ITPR3: variants seen among roughly 807,000 people sequenced by gnomAD.
The protein encoded by ITPR3 is inositol 1,4,5-trisphosphate receptor type 3, also known as inositol 1,4,5-trisphosphate-gated calcium channel ITPR3.
Under a neutral mutation model 293.2 loss-of-function variants are expected in ITPR3, and 173 were observed. That is an observed-to-expected ratio of 0.59 (90% CI 0.52 to 0.67). The LOEUF (loss-of-function observed/expected upper bound fraction) is 0.67. Among genes scored for constraint, ITPR3 ranks in the 30% least tolerant of loss-of-function variants. The pLI, the probability that ITPR3 is intolerant of heterozygous loss-of-function variation, is 0.00. For synonymous variants in ITPR3, 1,295 were observed against 1,444.4 expected (o/e 0.90, Z 2.35); for missense variants, 2,796 against 3,592.1 (o/e 0.78, Z 5.66).
chr6:33,684,347 G>A lies in ITPR3; in HGVS notation c.4938-10G>A, dbSNP rs1765164649. The A allele has an allele frequency of 6.2e-7, 1 of 1,613,216 alleles. No individual in the cohort carries two copies. Among genetic ancestry groups the A allele is most frequent in the African/African-American group, 1.3e-5 (1 of 74,896 alleles). On this transcript the variant is annotated splice_polypyrimidine_tract_variant and intron_variant, in intron 36 of 57. Transcript: ENST00000605930. This position sits in a 1 kb window ranked among gnomAD's most constrained non-coding sequence, Gnocchi z 4.2. ...GGGGCTGCCCTGAGCTGCCTCCTTG[G>A]CCGGCTCAGGCTGATCCAGCACACC...
At chr6:33,695,680 G>T in intron 57 of ITPR3, 32 bp from the exon 58 acceptor site, 1 of 1,612,102 alleles carries the variant, frequency 6.2e-7, no homozygotes, top group South Asian at 1.1e-5. Flanking sequence ...CAGGCGGCCT[G>T]ACCAGGCCTG....
rs1050348853 is a variant in ITPR3, at chr6:33,667,458, C to T, written c.1713+168C>T. On this transcript the variant is annotated intron_variant, in intron 15 of 57. Transcript: ENST00000605930. This position sits in a 1 kb window ranked among gnomAD's most constrained non-coding sequence, Gnocchi z 4.4. Reference sequence around the variant, plus strand: ...GGAATGGGACCTGGCCCGGTGCTCACAAGGGCCTTGCACTGGGTTAGATGC... The same window carrying T: ...GGAATGGGACCTGGCCCGGTGCTCATAAGGGCCTTGCACTGGGTTAGATGC... Among the ~76,000 whole-genome samples, 1 of 152,200 alleles carries T rather than the reference C, an allele frequency of 6.6e-6. No individual in the cohort carries two copies. The highest frequency in any genetic ancestry group is 1.5e-5 in the Non-Finnish European group (1 of 68,034).
chr6:33,686,178 G>A lies in ITPR3; in HGVS notation c.5793G>A (p.Glu1931=). 1.2e-6 allele frequency: 2 copies of A among 1,614,164 alleles called. No homozygotes were observed. The highest frequency in any genetic ancestry group is 1.7e-6 in the Non-Finnish European group (2 of 1,180,040). ...GLGLLGLYIN[E]DNVGLVIQTL... ...GGCTGCTGGGGCTCTACATCAATGAGGACAACGTGGGCCTCGTCATCCAGA... is the reference window on the plus strand; with the variant it reads ...GGCTGCTGGGGCTCTACATCAATGAAGACAACGTGGGCCTCGTCATCCAGA... The change falls in exon 42 of 58, where the codon GAG becomes GAA. Residue 1931 remains glutamate, a synonymous_variant. Coordinates refer to ENST00000605930, the MANE Select transcript of ITPR3 (RefSeq NM_002224.4).
At position 33,672,746 on chromosome 6, in the gene ITPR3, G is replaced by C. The variant is rs1310900180; in HGVS notation, c.2928+518G>C. On this transcript the variant is annotated intron_variant, in intron 22 of 57. Coordinates refer to ENST00000605930, the MANE Select transcript of ITPR3 (RefSeq NM_002224.4). This position sits in a 1 kb window ranked among gnomAD's most constrained non-coding sequence, Gnocchi z 5.0. ...TTTTACAGATGGGGAAAGTAAAAGC[G>C]GGGAGGTAAAAGCGGGGGCCGGGGG... is the stretch of plus-strand genomic sequence containing the variant. 6.6e-6 allele frequency among the ~76,000 whole-genome samples: 1 copy of C among 152,050 alleles called. No individual in the cohort carries two copies. Among genetic ancestry groups the C allele is most frequent in the Non-Finnish European group, 1.5e-5 (1 of 68,022 alleles).
In ITPR3 at chr6:33,682,763, G is replaced by A; in HGVS notation, c.4597+119G>A. ...GCTCGCCCATCTCCTGCTCCCAGGT[G>A]GTTGTCAGTAAGTTCTTCTTGGCGT... On this transcript the variant is annotated intron_variant, in intron 34 of 57. Coordinates refer to ENST00000605930, the MANE Select transcript of ITPR3 (RefSeq NM_002224.4). This position sits in a 1 kb window ranked among gnomAD's most constrained non-coding sequence, Gnocchi z 5.4. The A allele has an allele frequency of 7.5e-7, 1 of 1,324,750 alleles. No homozygotes were observed. 82.1% of individuals were successfully genotyped at this position (1,324,750 alleles called of 1,614,324 possible).
Position 33,667,878 on chromosome 6 carries a change from C to G in ITPR3, c.1800C>G (p.His600Gln). The stretch of plus-strand genomic sequence containing the variant: ...AGGACACCATCACTGCCCTGCTGCA[C>G]AACAACCGCAAGCTCCTGGAAAAGC... The part of the protein sequence containing the change: ...LAEDTITALL[H>Q]NNRKLLEKHI... Residue 600 changes from histidine (H) to glutamine (Q), a missense_variant, in exon 16 of 58, where the codon CAC (histidine) becomes CAG (glutamine). Physicochemically the swap from His to Gln is conservative, Grantham distance 24. Transcript: ENST00000605930. The surrounding 1 kb of genome is among the most constrained non-coding windows in gnomAD (Gnocchi z 4.4). 6.2e-7 allele frequency: 1 copy of G among 1,614,212 alleles called. No homozygotes were observed. The highest frequency in any genetic ancestry group is 1.1e-5 in the South Asian group (1 of 91,084).
In ITPR3 at chr6:33,692,975, T is replaced by C. The variant is rs1197339098; in HGVS notation, c.7624+82T>C. On this transcript the variant is annotated intron_variant, in intron 55 of 57. Coordinates refer to ENST00000605930, the MANE Select transcript of ITPR3 (RefSeq NM_002224.4). The surrounding 1 kb of genome is among the most constrained non-coding windows in gnomAD (Gnocchi z 4.2). The stretch of plus-strand genomic sequence containing the variant: ...GCCAGTGGCAGTAGCGGTTTGGCCC[T>C]TCCTGCCCTGGGGAACCCTGGCCCG... The C allele has an allele frequency of 6.2e-6, 9 of 1,458,570 alleles. No homozygotes were observed. The highest frequency in any genetic ancestry group is 1.9e-5 in the Admixed American group (1 of 52,614). The allele number at this position is 1,458,570 out of a possible 1,614,324, so 90.4% of individuals were successfully genotyped here. A position where few individuals can be genotyped will look rare whatever the true frequency, so the allele number is the denominator to read the frequency against.
chr6:33,694,689 GCTGCCTA>G, intron 56 of ITPR3: 5 of 544,772 alleles, frequency 9.2e-6, no homozygotes, highest in Admixed American at 3.2e-5. Flanking sequence ...AGCTGCCGAC[GCTGCCTA>G]ACGGAAGTCA....
At chr6:33,653,645 C>T (rs1263976729) in intron 2 of ITPR3, among the ~76,000 whole-genome samples, 1 of 152,192 alleles carries the variant, frequency 6.6e-6, no homozygotes, top group African/African-American at 2.4e-5. Flanking sequence ...GAACACTGCT[C>T]ATAGATGTCC....
At chr6:33,647,844 T>G (rs1186148999) in intron 2 of ITPR3, among the ~76,000 whole-genome samples, 2 of 152,132 alleles carry the variant, frequency 1.3e-5, no homozygotes, top group Non-Finnish European at 1.5e-5. Flanking sequence ...GGTCATTTTA[T>G]GTAAGAGCAG....
At chr6:33,650,858 G>A (rs7755013) in intron 2 of ITPR3, among the ~76,000 whole-genome samples, 13,925 of 151,162 alleles carry the variant, frequency 0.092, 729 homozygotes, top group Non-Finnish European at 0.12. Flanking sequence ...TGATGTCTGC[G>A]TCTGAAGTCT....
rs1487625878 is a variant in ITPR3 at position 33,666,285 on chromosome 6, G to C, written c.1551+309G>C. Among the ~76,000 whole-genome samples, 3 of 141,510 alleles carry C rather than the reference G, an allele frequency of 2.1e-5. No individual in the cohort carries two copies. The highest frequency in any genetic ancestry group is 6.8e-5 in the Admixed American group (1 of 14,616). The allele number at this position is 141,510 out of a possible 152,430, so 92.8% of individuals were successfully genotyped here. On this transcript the variant is annotated intron_variant, in intron 14 of 57. Coordinates refer to ENST00000605930, the MANE Select transcript of ITPR3 (RefSeq NM_002224.4). This position sits in a 1 kb window ranked among gnomAD's most constrained non-coding sequence, Gnocchi z 5.1. ...CTTGTGATGTTGGGTCCAGAGCTGT[G>C]CTTCAAAAAATTTTTTTAAAAATTT...
chr6:33,686,312 A>T lies in ITPR3; in HGVS notation c.5868+59A>T, dbSNP rs1765229612. On this transcript the variant is annotated intron_variant, in intron 42 of 57. Transcript: ENST00000605930. ...GGTGGCAGTGTGGACATGTGGGTAG[A>T]TGGAGCCAGCTGGGGCAGGGAGAGA... is the stretch of plus-strand genomic sequence containing the variant. The T allele has an allele frequency of 5.6e-6, 9 of 1,600,426 alleles. No individual in the cohort carries two copies. In the South Asian group the frequency reaches 1.0e-4, roughly 18 times the overall value.
At position 33,691,544 on chromosome 6, in the gene ITPR3, C is replaced by A; in HGVS notation, c.7226-71C>A. ...AGGGAAGGTTTCCTGGAGGATGTGA[C>A]ACTGGGGACAGAGCCAGGGGATAAG... On this transcript the variant is annotated intron_variant, in intron 52 of 57. Coordinates refer to ENST00000605930, the MANE Select transcript of ITPR3 (RefSeq NM_002224.4). The surrounding 1 kb of genome is among the most constrained non-coding windows in gnomAD (Gnocchi z 4.9). 1.5e-6 allele frequency: 2 copies of A among 1,291,732 alleles called. No individual in the cohort carries two copies. The highest frequency in any genetic ancestry group is 1.3e-5 in the South Asian group (1 of 78,588). The allele number at this position is 1,291,732 out of a possible 1,614,324, so 80.0% of individuals were successfully genotyped here. A position where few individuals can be genotyped will look rare whatever the true frequency, so the allele number is the denominator to read the frequency against.
chr6:33,649,516 C>T (rs951320739), intron 2 of ITPR3, among the ~76,000 whole-genome samples: 36 of 152,244 alleles, frequency 2.4e-4, no homozygotes, highest in Non-Finnish European at 1.8e-4. Context: ...TGAGCCACCG[C>T]GCCCAGCCTA....
At position 33,658,618 on chromosome 6, in the gene ITPR3, TG is replaced by T; in HGVS notation, c.370-49del. Reference sequence around the variant, plus strand: ...GGATCCCCCCATATCCCCTCCCTAATGGGCCGACTCCTGTGGCGCGGTGACC... The same window carrying T: ...GGATCCCCCCATATCCCCTCCCTAATGGCCGACTCCTGTGGCGCGGTGACC... On this transcript the variant is annotated intron_variant, in intron 4 of 57. Coordinates refer to ENST00000605930, the MANE Select transcript of ITPR3 (RefSeq NM_002224.4). The surrounding 1 kb of genome is among the most constrained non-coding windows in gnomAD (Gnocchi z 6.1). The T allele has an allele frequency of 1.9e-6, 3 of 1,600,964 alleles. No homozygotes were observed. Among genetic ancestry groups the T allele is most frequent in the Non-Finnish European group, 2.6e-6 (3 of 1,171,558 alleles).
At position 33,695,975 on chromosome 6, in the gene ITPR3, G is replaced by C; in HGVS notation, c.*195G>C. 1 of 588,570 alleles carries C rather than the reference G, an allele frequency of 1.7e-6. No homozygotes were observed. The highest frequency in any genetic ancestry group is 3.0e-5 in the Admixed American group (1 of 33,010). The allele number at this position is 588,570 out of a possible 1,614,324, so 36.5% of individuals were successfully genotyped here. A position where few individuals can be genotyped will look rare whatever the true frequency, so the allele number is the denominator to read the frequency against. On this transcript the variant is annotated 3_prime_UTR_variant, in exon 58 of 58. Coordinates refer to ENST00000605930, the MANE Select transcript of ITPR3 (RefSeq NM_002224.4). ...GCCTCAGAGCTGACAGTCCTGCTTA[G>C]AGCCCTTAAAAAGACTTGAAAGTTC...
Position 33,666,802 on chromosome 6 carries a change from G to A in ITPR3, c.1552-327G>A, listed in dbSNP as rs980498002. Among the ~76,000 whole-genome samples, 1 of 152,136 alleles carries A rather than the reference G, an allele frequency of 6.6e-6. No homozygotes were observed. Among genetic ancestry groups the A allele is most frequent in the Non-Finnish European group, 1.5e-5 (1 of 68,026 alleles). On this transcript the variant is annotated intron_variant, in intron 14 of 57. Coordinates refer to ENST00000605930, the MANE Select transcript of ITPR3 (RefSeq NM_002224.4). This position sits in a 1 kb window ranked among gnomAD's most constrained non-coding sequence, Gnocchi z 5.1. Reference sequence around the variant, plus strand: ...TCATCTCTTAAGCTCTGGCCACAGCGGTCCGGCCTGCCTTTTCTCTTAGCC... The same window carrying A: ...TCATCTCTTAAGCTCTGGCCACAGCAGTCCGGCCTGCCTTTTCTCTTAGCC...
chr6:33,621,787 G>A lies in ITPR3; in HGVS notation c.89+96G>A. The A allele has an allele frequency of 2.3e-6, 2 of 852,388 alleles. No homozygotes were observed. Among genetic ancestry groups the A allele is most frequent in the Non-Finnish European group, 3.8e-6 (2 of 527,348 alleles). The allele number at this position is 852,388 out of a possible 1,614,324, so 52.8% of individuals were successfully genotyped here. A position where few individuals can be genotyped will look rare whatever the true frequency, so the allele number is the denominator to read the frequency against. ...CGTCCAGCCGCCGCCCCCCGATAGAGGCCTGGACGTCCCCCTAGTCTCAAG... is the reference window on the plus strand; with the variant it reads ...CGTCCAGCCGCCGCCCCCCGATAGAAGCCTGGACGTCCCCCTAGTCTCAAG... On this transcript the variant is annotated intron_variant, in intron 1 of 57. Coordinates refer to ENST00000605930, the MANE Select transcript of ITPR3 (RefSeq NM_002224.4). The surrounding 1 kb of genome is among the most constrained non-coding windows in gnomAD (Gnocchi z 7.7).
Sources: gnomAD v4.1 joint callset for allele counts (sites outside exome capture counted in the v4.1 genomes callset) on GRCh38, gnomAD v4.1.1 for gene constraint, Gnocchi (gnomAD v3.1) non-coding constraint, MANE v1.5 for transcripts, NCBI Gene and HGNC (gene_info 2026-07-23, HGNC 2026-07-21) for gene names.